Variants in ADRA1B observed in about 807,000 individuals in gnomAD.
ADRA1B encodes the protein alpha-1B adrenergic receptor.
A neutral mutation model predicts 17.9 loss-of-function variants in ADRA1B; 17 were observed. That is an observed-to-expected ratio of 0.95 (90% CI 0.65 to 1.42). The LOEUF is 1.42. Among genes scored for constraint, ADRA1B ranks in the 40% most tolerant of loss-of-function variants. ADRA1B has a pLI of 0.00. For missense variants in ADRA1B, 681 were observed against 722.1 expected, an observed-to-expected ratio of 0.94 and a Z score of 0.65; for synonymous variants, 366 against 327.6, an observed-to-expected ratio of 1.12 and a Z score of -1.27.
At chr5:159,987,874 G>A in the ADRA1B span, among the ~76,000 whole-genome samples, 11 of 152,162 alleles carry the variant, frequency 7.2e-5, no homozygotes, top group African/African-American at 2.4e-4. Context: ...TCAAGCAGAC[G>A]TGTCGCTTCT....
chr5:159,940,330 ACT>A (rs1755093083), intron 1 of ADRA1B, among the ~76,000 whole-genome samples: 1 of 151,556 alleles, frequency 6.6e-6, no homozygotes, highest in Non-Finnish European at 1.5e-5. Flanking sequence ...ATATCTAATC[ACT>A]CTCAATATCT....
intron 1 of ADRA1B, among the ~76,000 whole-genome samples, chr5:159,898,984 A>G (rs1262420990): frequency 6.6e-6 from 1 of 152,008 alleles, no homozygotes; most frequent in African/African-American, 2.4e-5. Context: ...TCTCTACAAA[A>G]AAAAGTTTTT....
upstream of ADRA1B, among the ~76,000 whole-genome samples, chr5:159,912,088 C>T (rs1254303032): frequency 6.6e-6 from 1 of 152,180 alleles, no homozygotes; most frequent in Non-Finnish European, 1.5e-5. Context: ...ACGCCTGGCA[C>T]CTAGTAAGTG....
chr5:159,917,031 C>T lies in ADRA1B; in HGVS notation c.126C>T (p.Ile42=), dbSNP rs773546167. The T allele has an allele frequency of 3.3e-4, 531 of 1,614,076 alleles. No homozygotes were observed. Among genetic ancestry groups the T allele is most frequent in the Non-Finnish European group, 4.4e-4 (515 of 1,180,034 alleles). The part of the protein sequence containing the change: ...SSNSTLPQLD[I]TRAISVGLVL... ...ACTCCACACTGCCCCAGCTGGACAT[C>T]ACCAGGGCCATCTCTGTGGGCCTGG... is the stretch of plus-strand genomic sequence containing the variant. Residue 42 remains isoleucine (I), a synonymous_variant, in exon 1 of 2, where the codon ATC becomes ATT. Transcript: ENST00000306675.
chr5:159,942,376 T>TA (rs1194195846), intron 1 of ADRA1B, among the ~76,000 whole-genome samples: 2 of 152,108 alleles, frequency 1.3e-5, no homozygotes, highest in Non-Finnish European at 2.9e-5. Flanking sequence ...TGACTTTTTG[T>TA]AAAAAAAGTA....
At chr5:159,878,981 G>C (rs1581017549) in intron 1 of ADRA1B, among the ~76,000 whole-genome samples, 2 of 152,192 alleles carry the variant, frequency 1.3e-5, no homozygotes, top group South Asian at 4.1e-4. Flanking sequence ...CCAGCAAAGA[G>C]CCAGCTGCCT....
intron 1 of ADRA1B, among the ~76,000 whole-genome samples, chr5:159,874,554 G>A (rs1487339773): frequency 1.3e-5 from 2 of 152,134 alleles, no homozygotes; most frequent in African/African-American, 2.4e-5. Context: ...TCATCAAGGG[G>A]CATCATTGGG....
At chr5:159,961,517 CT>C (rs1383644078) in intron 1 of ADRA1B, among the ~76,000 whole-genome samples, 2 of 152,222 alleles carry the variant, frequency 1.3e-5, no homozygotes, top group Non-Finnish European at 1.5e-5. Flanking sequence ...AGGAAACCTT[CT>C]TTTACAAAGC....
chr5:159,877,858 C>T (rs940291053), intron 1 of ADRA1B, among the ~76,000 whole-genome samples: 2 of 152,220 alleles, frequency 1.3e-5, no homozygotes, highest in Non-Finnish European at 2.9e-5. Flanking sequence ...TTAATAACTA[C>T]TACTTTATTC....
intron 1 of ADRA1B, among the ~76,000 whole-genome samples, chr5:159,935,474 C>T (rs1425079546): frequency 6.6e-6 from 1 of 152,094 alleles, no homozygotes; most frequent in East Asian, 1.9e-4. Context: ...CGCCCCACCC[C>T]TCATCTCATT....
At chr5:159,970,861 G>A (rs1481458229) in intron 1 of ADRA1B, among the ~76,000 whole-genome samples, 1 of 152,232 alleles carries the variant, frequency 6.6e-6, no homozygotes, top group Non-Finnish European at 1.5e-5. Context: ...CTGGAGTGCA[G>A]TGCCACGATC....
the ADRA1B span, among the ~76,000 whole-genome samples, chr5:159,985,834 G>A: frequency 6.6e-6 from 1 of 152,206 alleles, no homozygotes; most frequent in Non-Finnish European, 1.5e-5. Context: ...CATTCTGCTT[G>A]GAACAAGGCA....
intron 1 of ADRA1B, among the ~76,000 whole-genome samples, chr5:159,962,338 A>C (rs1379992033): frequency 6.6e-6 from 1 of 152,116 alleles, no homozygotes; most frequent in Non-Finnish European, 1.5e-5. Flanking sequence ...TTTCATTTAA[A>C]AACTGTCTTT....
chr5:159,965,370 C>T (rs1333785756), intron 1 of ADRA1B, among the ~76,000 whole-genome samples: 1 of 152,134 alleles, frequency 6.6e-6, no homozygotes, highest in Non-Finnish European at 1.5e-5. Context: ...GGGTTAGTGG[C>T]ATTGTTAAAG....
At chr5:159,934,073 C>A (rs1187008751) in intron 1 of ADRA1B, among the ~76,000 whole-genome samples, 1 of 152,332 alleles carries the variant, frequency 6.6e-6, no homozygotes, top group South Asian at 2.1e-4. Flanking sequence ...CTCAATTGAG[C>A]ACCACTCAAG....
chr5:159,872,400 G>T (rs1753755517), intron 1 of ADRA1B, among the ~76,000 whole-genome samples: 1 of 152,300 alleles, frequency 6.6e-6, no homozygotes, highest in African/African-American at 2.4e-5. Flanking sequence ...GGGAGCTACA[G>T]CTTGCAGAGA....
chr5:159,897,438 A>T (rs1047735704), intron 1 of ADRA1B, among the ~76,000 whole-genome samples: 1 of 151,998 alleles, frequency 6.6e-6, no homozygotes, highest in African/African-American at 2.4e-5. Flanking sequence ...GTGAGCAGAG[A>T]TCACGCCACT....
At chr5:159,895,523 T>G (rs1416206353) in intron 1 of ADRA1B, among the ~76,000 whole-genome samples, 1 of 152,164 alleles carries the variant, frequency 6.6e-6, no homozygotes, top group Non-Finnish European at 1.5e-5. Flanking sequence ...AGGTTTCAGG[T>G]TTACAAGCTT....
Position 159,917,208 on chromosome 5 carries a change from C to G in ADRA1B, c.303C>G (p.Phe101Leu), listed in dbSNP as rs756096000. ...TGTTGAGCTTCACCGTCCTGCCCTT[C>G]TCAGCGGCCCTAGAGGTGCTCGGCT... is the stretch of plus-strand genomic sequence containing the variant. ...DLLLSFTVLP[F>L]SAALEVLGYW... Residue 101 changes from phenylalanine (F) to leucine (L), a missense_variant, in exon 1 of 2, where the codon TTC (phenylalanine) becomes TTG (leucine). Coordinates refer to ENST00000306675, the MANE Select transcript of ADRA1B (RefSeq NM_000679.4). 4 of 1,614,212 alleles carry G rather than the reference C, an allele frequency of 2.5e-6. No homozygotes were observed. In the South Asian group the frequency reaches 3.3e-5, roughly 13 times the overall value.
Sources: allele counts gnomAD v4.1 joint callset (sites outside exome capture counted in the v4.1 genomes callset), GRCh38; gene constraint gnomAD v4.1.1; transcripts MANE v1.5; gene names NCBI Gene and HGNC (gene_info 2026-07-23, HGNC 2026-07-21).